The following BCL11B variants were observed in gnomAD, a reference collection of about 807,000 sequenced individuals.
The protein encoded by BCL11B is B-cell lymphoma/leukemia 11B.
A neutral mutation model predicts 49.9 loss-of-function variants in BCL11B; 8 were observed. That is an observed-to-expected ratio of 0.16 (90% CI 0.09 to 0.29). BCL11B has a LOEUF of 0.29. BCL11B is among the 10% of genes least tolerant of loss of function. The pLI is 1.00. For synonymous variants in BCL11B, 739 were observed against 637.4 expected (o/e 1.16, Z -2.40); for missense variants, 1,006 against 1,351.0 (o/e 0.74, Z 4.00).
rs137967966 is a variant in BCL11B at position 99,179,526 on chromosome 14, T to C, written c.641-3331A>G. Among the ~76,000 whole-genome samples, 745 of 116,940 alleles carry C rather than the reference T, an allele frequency of 6.4e-3. 6 individuals carry two copies. Among genetic ancestry groups the C allele is most frequent in the Admixed American group, 6.6e-3 (73 of 11,060 alleles). 76.7% of individuals were successfully genotyped at this position (116,940 alleles called of 152,430 possible). A position where few individuals can be genotyped will look rare whatever the true frequency, so the allele number is the denominator to read the frequency against. ...CTTCTAAAACTAACTTGGAGCAACATAGGGAGGGCATTACCTGTCCATAAT... is the reference window on the plus strand; with the variant it reads ...CTTCTAAAACTAACTTGGAGCAACACAGGGAGGGCATTACCTGTCCATAAT... On this transcript the variant is annotated intron_variant, in intron 3 of 3. Coordinates refer to ENST00000357195, the MANE Select transcript of BCL11B (RefSeq NM_138576.4).
intron 2 of BCL11B, among the ~76,000 whole-genome samples, chr14:99,235,102 C>T (rs1227751114): frequency 2.6e-5 from 4 of 152,254 alleles, no homozygotes; most frequent in Admixed American, 6.5e-5. Flanking sequence ...GACACAAAAA[C>T]GCCTGGAAAA....
chr14:99,246,556 T>C (rs116543900), intron 2 of BCL11B, among the ~76,000 whole-genome samples: 10,391 of 152,192 alleles, frequency 0.068, 403 homozygotes, highest in South Asian at 0.093. Flanking sequence ...CCGCGCAGTT[T>C]TGAAGTTGCC....
rs967955294 is a variant in BCL11B, at chr14:99,228,791, T to G, written c.640+2554A>C. On this transcript the variant is annotated intron_variant, in intron 3 of 3. Coordinates refer to ENST00000357195, the MANE Select transcript of BCL11B (RefSeq NM_138576.4). This position sits in a 1 kb window ranked among gnomAD's most constrained non-coding sequence, Gnocchi z 4.8. ...TCCCCTTCTGCAGGTCCCCACTCCC[T>G]GTCCTCCCCACCACCAGACTGCAAG... is the stretch of plus-strand genomic sequence containing the variant. Among the ~76,000 whole-genome samples the G allele has an allele frequency of 6.6e-6, 1 of 152,160 alleles. No individual in the cohort carries two copies. The highest frequency in any genetic ancestry group is 1.5e-5 in the Non-Finnish European group (1 of 68,020).
chr14:99,263,133 A>G (rs957221514), intron 1 of BCL11B: 1 of 153,128 alleles, frequency 6.5e-6, no homozygotes, highest in Non-Finnish European at 1.5e-5. Flanking sequence ...AGCAGGAAGC[A>G]AGACCCAGAT....
chr14:99,270,339 C>T (rs879151218), intron 1 of BCL11B, among the ~76,000 whole-genome samples: 1 of 151,634 alleles, frequency 6.6e-6, no homozygotes, highest in African/African-American at 2.4e-5. Flanking sequence ...ACAAGCGCAT[C>T]ACTCTCTTCC....
chr14:99,211,776 G>T lies in BCL11B; in HGVS notation c.640+19569C>A, dbSNP rs553018234. Among the ~76,000 whole-genome samples the T allele has an allele frequency of 1.3e-4, 20 of 152,204 alleles. 1 individual carries two copies. In the South Asian group the frequency reaches 3.9e-3, roughly 30 times the overall value. On this transcript the variant is annotated intron_variant, in intron 3 of 3. Coordinates refer to ENST00000357195, the MANE Select transcript of BCL11B (RefSeq NM_138576.4). ...ACCAAACTCCGCCCTGCCCTCTGGAGTACCCCCCACCACTGGTTCCTCGGT... is the reference window on the plus strand; with the variant it reads ...ACCAAACTCCGCCCTGCCCTCTGGATTACCCCCCACCACTGGTTCCTCGGT...
Position 99,174,798 on chromosome 14 carries a change from C to T in BCL11B, c.2038G>A (p.Gly680Arg), listed in dbSNP as rs1886420690. The T allele has an allele frequency of 9.1e-6, 13 of 1,430,890 alleles. No homozygotes were observed. Among genetic ancestry groups the T allele is most frequent in the Non-Finnish European group, 1.1e-5 (12 of 1,092,918 alleles). The allele number at this position is 1,430,890 out of a possible 1,614,324, so 88.6% of individuals were successfully genotyped here. A position where few individuals can be genotyped will look rare whatever the true frequency, so the allele number is the denominator to read the frequency against. ...PRKPAPLPSP[G>R]LNSAAKRIKV... The stretch of plus-strand genomic sequence containing the variant: ...ATGCGCTTGGCGGCGCTGTTGAGCC[C>T]GGGGCTGGGCAGCGGCGCGGGCTTG... Residue 680 changes from glycine to arginine, a missense_variant, in exon 4 of 4, where the codon GGG (glycine) becomes AGG (arginine). Gly to Arg is a moderately radical substitution (Grantham distance 125, BLOSUM62 -2). Transcript: ENST00000357195.
chr14:99,202,501 G>C (rs1211892030), intron 3 of BCL11B, among the ~76,000 whole-genome samples: 1 of 152,226 alleles, frequency 6.6e-6, no homozygotes, highest in Admixed American at 6.5e-5. Flanking sequence ...CCTTGAAGTA[G>C]AAGAGGACAG....
Position 99,195,703 on chromosome 14 carries a change from C to T in BCL11B, c.641-19508G>A, listed in dbSNP as rs533759990. ...AAAATAAAGCATAAGTAAGTTTCCTCGAGCTAGCACCCCACCCCCAAGGAT... is the reference window on the plus strand; with the variant it reads ...AAAATAAAGCATAAGTAAGTTTCCTTGAGCTAGCACCCCACCCCCAAGGAT... On this transcript the variant is annotated intron_variant, in intron 3 of 3. Transcript: ENST00000357195. This position sits in a 1 kb window ranked among gnomAD's most constrained non-coding sequence, Gnocchi z 4.7. 3.1e-4 allele frequency among the ~76,000 whole-genome samples: 47 copies of T among 152,194 alleles called. No individual in the cohort carries two copies. Among genetic ancestry groups the T allele is most frequent in the African/African-American group, 7.7e-4 (32 of 41,520 alleles).
intron 3 of BCL11B, among the ~76,000 whole-genome samples, chr14:99,219,701 C>T (rs1027963395): frequency 1.6e-4 from 25 of 151,878 alleles, no homozygotes; most frequent in Non-Finnish European, 1.5e-5. Flanking sequence ...ACCCTGAAGA[C>T]ACAACAGAAA....
chr14:99,179,444 A>C (rs1004539478), intron 3 of BCL11B, among the ~76,000 whole-genome samples: 5 of 137,402 alleles, frequency 3.6e-5, no homozygotes, highest in Non-Finnish European at 7.7e-5. Flanking sequence ...ACTGCACTCC[A>C]GCCTGGGCGA....
rs925517725 is a variant in BCL11B at position 99,205,571 on chromosome 14, A to G, written c.640+25774T>C. 1.3e-5 allele frequency among the ~76,000 whole-genome samples: 2 copies of G among 152,146 alleles called. No homozygotes were observed. The highest frequency in any genetic ancestry group is 4.8e-5 in the African/African-American group (2 of 41,424). ...CGCTCTGTGAACTTTGTGATGCCTG[A>G]GATGAGCTCCCTTTTCCAGAGGAGG... On this transcript the variant is annotated intron_variant, in intron 3 of 3. Transcript: ENST00000357195. This position sits in a 1 kb window ranked among gnomAD's most constrained non-coding sequence, Gnocchi z 5.0.
At chr14:99,203,788 G>C (rs985779487) in intron 3 of BCL11B, among the ~76,000 whole-genome samples, 4 of 152,202 alleles carry the variant, frequency 2.6e-5, no homozygotes, top group Non-Finnish European at 5.9e-5. Flanking sequence ...TTACAGGCCA[G>C]CACAGTGGGA....
Position 99,262,270 on chromosome 14 carries a change from A to C in BCL11B, c.59-4431T>G, listed in dbSNP as rs1342013651. Among the ~76,000 whole-genome samples the C allele has an allele frequency of 1.3e-5, 2 of 152,008 alleles. No homozygotes were observed. The highest frequency in any genetic ancestry group is 2.9e-5 in the Non-Finnish European group (2 of 68,002). ...CTGCCCATGCACCTGCCCTTAGGGG[A>C]ACTCCAGCCGAGAGGTCTGCTGCCT... On this transcript the variant is annotated intron_variant, in intron 1 of 3. Coordinates refer to ENST00000357195, the MANE Select transcript of BCL11B (RefSeq NM_138576.4). The surrounding 1 kb of genome is among the most constrained non-coding windows in gnomAD (Gnocchi z 4.2).
chr14:99,216,186 C>T (rs1887830469), intron 3 of BCL11B, among the ~76,000 whole-genome samples: 1 of 152,350 alleles, frequency 6.6e-6, no homozygotes, highest in Non-Finnish European at 1.5e-5. Context: ...TGAAATCGGA[C>T]TGCCTCCATT....
At chr14:99,237,244 T>C (rs932457150) in intron 2 of BCL11B, among the ~76,000 whole-genome samples, 3 of 151,880 alleles carry the variant, frequency 2.0e-5, no homozygotes, top group African/African-American at 4.8e-5. Flanking sequence ...TTCTTTTTTT[T>C]TTTTTTTAGC....
chr14:99,270,312 T>G (rs1168919143), intron 1 of BCL11B, among the ~76,000 whole-genome samples: 1 of 152,028 alleles, frequency 6.6e-6, no homozygotes, highest in Non-Finnish European at 1.5e-5. Context: ...TTTTTCTTTT[T>G]TTTCTTTTAC....
rs531003645 is a variant in BCL11B at position 99,185,164 on chromosome 14, C to T, written c.641-8969G>A. 2.0e-4 allele frequency among the ~76,000 whole-genome samples: 31 copies of T among 152,216 alleles called. 1 individual carries two copies. In the East Asian group the frequency reaches 3.5e-3, roughly 17 times the overall value. On this transcript the variant is annotated intron_variant, in intron 3 of 3. Transcript: ENST00000357195. Reference sequence around the variant, plus strand: ...CAAAACTACATGATGAGGACGGGCGCGGTGGCTCACGCCTGGAATCCCAGC... The same window carrying T: ...CAAAACTACATGATGAGGACGGGCGTGGTGGCTCACGCCTGGAATCCCAGC...
Position 99,232,033 on chromosome 14 carries a change from A to ACCTTGGGTCCGCCTCCAG in BCL11B, c.428-494_428-477dup, listed in dbSNP as rs565539720. 9.2e-5 allele frequency among the ~76,000 whole-genome samples: 14 copies of ACCTTGGGTCCGCCTCCAG among 152,138 alleles called. No homozygotes were observed. Among genetic ancestry groups the ACCTTGGGTCCGCCTCCAG allele is most frequent in the Admixed American group, 6.5e-4 (10 of 15,300 alleles). On this transcript the variant is annotated intron_variant, in intron 2 of 3. Coordinates refer to ENST00000357195, the MANE Select transcript of BCL11B (RefSeq NM_138576.4). The surrounding 1 kb of genome is among the most constrained non-coding windows in gnomAD (Gnocchi z 5.1). ...TGGGCTGTTCCTACAGGCCCGGGAC[A>ACCTTGGGTCCGCCTCCAG]CCTTGGGTCCGCCTCCAGCCTTGGG...
Sources: allele counts gnomAD v4.1 joint callset (sites outside exome capture counted in the v4.1 genomes callset), GRCh38; gene constraint gnomAD v4.1.1; non-coding constraint Gnocchi (gnomAD v3.1); transcripts MANE v1.5; gene names NCBI Gene and HGNC (gene_info 2026-07-23, HGNC 2026-07-21).